SEPTIN3: variants seen among roughly 807,000 people sequenced by gnomAD.
SEPTIN3 encodes the protein septin 3.
Under a neutral mutation model 45.1 loss-of-function variants are expected in SEPTIN3, and 15 were observed. The ratio of observed to expected loss-of-function variants is 0.33; its 90% confidence interval spans 0.22 to 0.51. The LOEUF is 0.51. Among genes scored for constraint, SEPTIN3 ranks in the 20% least tolerant of loss-of-function variants. The pLI is 0.97. For synonymous variants in SEPTIN3, 148 were observed against 164.8 expected (o/e 0.90, Z 0.78); for missense variants, 289 against 457.2 (o/e 0.63, Z 3.35).
chr22:41,997,124 A>C lies in SEPTIN3; in HGVS notation c.*157A>C. ...CCAGCTGCCTCTTTAGGCCAGTTGC[A>C]TCCTCCATTTATCCAAACCACTCCT... is the stretch of plus-strand genomic sequence containing the variant. On this transcript the variant is annotated 3_prime_UTR_variant, in exon 12 of 12. Coordinates refer to ENST00000644076, the MANE Select transcript of SEPTIN3 (RefSeq NM_001363845.2). 7.2e-7 allele frequency: 1 copy of C among 1,383,976 alleles called. No homozygotes were observed. Among genetic ancestry groups the C allele is most frequent in the South Asian group, 1.4e-5 (1 of 72,952 alleles). The allele number at this position is 1,383,976 out of a possible 1,614,324, so 85.7% of individuals were successfully genotyped here. A position where few individuals can be genotyped will look rare whatever the true frequency, so the allele number is the denominator to read the frequency against.
chr22:41,984,721 G>A (rs946860249), intron 3 of SEPTIN3, among the ~76,000 whole-genome samples: 1 of 151,914 alleles, frequency 6.6e-6, no homozygotes, highest in Non-Finnish European at 1.5e-5. Context: ...TGGAGACAGG[G>A]TTTCACCATG....
chr22:41,975,693 C>T (rs1156248983), intron 2 of SEPTIN3, among the ~76,000 whole-genome samples: 1 of 152,146 alleles, frequency 6.6e-6, no homozygotes, highest in Non-Finnish European at 1.5e-5. Flanking sequence ...TCTTCTTCCT[C>T]ATCTCTCTCT....
intron 5 of SEPTIN3, among the ~76,000 whole-genome samples, 158 bp from the exon 6 acceptor site, chr22:41,987,464 C>T (rs550040926): frequency 1.1e-4 from 17 of 152,308 alleles, no homozygotes; most frequent in African/African-American, 4.1e-4. Flanking sequence ...CCAGGAAAGC[C>T]ATCGGTGCGG....
chr22:41,978,920 A>AGGAGGAGGAGGAGGT (rs1441453037), intron 2 of SEPTIN3, among the ~76,000 whole-genome samples: 69 of 150,384 alleles, frequency 4.6e-4, no homozygotes, highest in African/African-American at 1.6e-3. Flanking sequence ...GAGGAGGAGG[A>AGGAGGAGGAGGAGGT]GGAGGAGGAG....
At position 41,972,489 on chromosome 22, in the gene SEPTIN3, G is replaced by A; in HGVS notation, c.997G>A (p.Gly333Ser). The A allele has an allele frequency of 2.5e-6, 1 of 399,100 alleles. No individual in the cohort carries two copies. Among genetic ancestry groups the A allele is most frequent in the Non-Finnish European group, 4.4e-6 (1 of 226,116 alleles). The allele number at this position is 399,100 out of a possible 1,614,324, so 24.7% of individuals were successfully genotyped here. The part of the protein sequence containing the change: ...NLATAGTIKP[G>S]TAMNLTTVGT... Reference sequence around the variant, plus strand: ...GGCTACAGCAGGCACAATCAAGCCGGGCACAGCCATGAATCTGACTACAGT... The same window carrying A: ...GGCTACAGCAGGCACAATCAAGCCGAGCACAGCCATGAATCTGACTACAGT... The change falls in exon 2 of 12, where the codon GGC (glycine) becomes AGC (serine). Residue 333 changes from glycine (G) to serine (S), a missense_variant. Physicochemically the swap from Gly to Ser is moderately conservative, Grantham distance 56. Coordinates refer to ENST00000644076, the MANE Select transcript of SEPTIN3 (RefSeq NM_001363845.2).
chr22:41,988,500 G>A (rs2078246458), intron 6 of SEPTIN3, among the ~76,000 whole-genome samples: 1 of 152,108 alleles, frequency 6.6e-6, no homozygotes, highest in African/African-American at 2.4e-5. Context: ...GCACAAGCAA[G>A]GTAAGCCCCA....
At chr22:41,988,996 C>T (rs539715330) in intron 6 of SEPTIN3, among the ~76,000 whole-genome samples, 31 of 152,000 alleles carry the variant, frequency 2.0e-4, no homozygotes, top group Non-Finnish European at 1.0e-4. Context: ...CATGGTAGTG[C>T]GCAACTGTGG....
chr22:41,996,215 C>T (rs2078434757), intron 11 of SEPTIN3: 2 of 985,170 alleles, frequency 2.0e-6, no homozygotes, highest in Admixed American at 6.1e-5. Flanking sequence ...CCCTGAAGCC[C>T]TGTATTTATT....
chr22:41,974,496 C>T (rs749796454), intron 2 of SEPTIN3, among the ~76,000 whole-genome samples: 5 of 151,886 alleles, frequency 3.3e-5, no homozygotes, highest in Non-Finnish European at 7.4e-5. Context: ...AACCCCGTCT[C>T]TACTAAAAAT....
At chr22:41,992,857 C>A in intron 9 of SEPTIN3, 94 bp downstream of exon 9, 1 of 855,308 alleles carries the variant, frequency 1.2e-6, no homozygotes, top group Non-Finnish European at 1.9e-6. Context: ...TGTCTCAGGA[C>A]ATATGAAATG....
At chr22:41,977,356 C>G (rs1832719975) in intron 2 of SEPTIN3, among the ~76,000 whole-genome samples, 1 of 152,126 alleles carries the variant, frequency 6.6e-6, no homozygotes, top group Non-Finnish European at 1.5e-5. Context: ...GACACGCACA[C>G]ACACACACAC....
At chr22:41,971,219 G>T (rs973618571) in intron 1 of SEPTIN3, among the ~76,000 whole-genome samples, 1 of 152,168 alleles carries the variant, frequency 6.6e-6, no homozygotes, top group Non-Finnish European at 1.5e-5. Flanking sequence ...CTGCTCACTG[G>T]ACGTGCCCAC....
chr22:41,974,141 CA>C (rs35615355), intron 2 of SEPTIN3, among the ~76,000 whole-genome samples: 2,059 of 126,050 alleles, frequency 0.016, 47 homozygotes, highest in African/African-American at 0.059. Context: ...GACCCTGTCT[CA>C]AAAAAAAAAA....
At chr22:41,995,432 C>G (rs908222471) in intron 11 of SEPTIN3, 2 of 985,526 alleles carry the variant, frequency 2.0e-6, no homozygotes, top group Non-Finnish European at 2.4e-6. Flanking sequence ...GAGCCTACTG[C>G]TGCTCTCCAC....
intron 11 of SEPTIN3, chr22:41,995,518 C>T (rs932476431): frequency 4.1e-6 from 4 of 985,582 alleles, no homozygotes; most frequent in Non-Finnish European, 4.8e-6. Flanking sequence ...TCCCTCCTTC[C>T]CTCATACATT....
intron 11 of SEPTIN3, 59 bp from the exon 12 acceptor site, chr22:41,996,843 A>T: frequency 1.2e-6 from 2 of 1,608,462 alleles, no homozygotes; most frequent in Non-Finnish European, 1.7e-6. Context: ...AAGGTATTTT[A>T]TATGTCTGCT....
chr22:41,996,806 T>C (rs901591756), intron 11 of SEPTIN3, 96 bp from the exon 12 acceptor site: 1 of 1,573,690 alleles, frequency 6.4e-7, no homozygotes, highest in Non-Finnish European at 8.6e-7. Flanking sequence ...CTGGCACCCC[T>C]GAACCATGAT....
At chr22:41,982,091 A>T in intron 3 of SEPTIN3, 2 of 490,374 alleles carry the variant, frequency 4.1e-6, no homozygotes, top group East Asian at 3.3e-5. Context: ...CCCCTTCACC[A>T]CTCTGATCCT....
At chr22:41,971,386 A>G in intron 1 of SEPTIN3, 88 bp from the exon 2 acceptor site, 1 of 398,084 alleles carries the variant, frequency 2.5e-6, no homozygotes, top group Non-Finnish European at 4.4e-6. Flanking sequence ...CGGCATGCTC[A>G]GCTGCTGGTC....
Sources: gnomAD v4.1 joint callset for allele counts (sites outside exome capture counted in the v4.1 genomes callset) on GRCh38, gnomAD v4.1.1 for gene constraint, MANE v1.5 for transcripts, NCBI Gene and HGNC (gene_info 2026-07-23, HGNC 2026-07-21) for gene names.